QKI: variants seen among roughly 807,000 people sequenced by gnomAD.
The protein encoded by QKI is QKI, KH domain containing RNA binding.
A neutral mutation model predicts 39.0 loss-of-function variants in QKI; 10 were observed. That is an observed-to-expected ratio of 0.26 (90% CI 0.16 to 0.43). The LOEUF is 0.43. QKI is among the 20% of genes least tolerant of loss of function. The pLI, the probability that QKI is intolerant of heterozygous loss-of-function variation, is 1.00. For missense variants in QKI, 218 were observed against 428.0 expected, an observed-to-expected ratio of 0.51 and a Z score of 4.33; for synonymous variants, 204 against 155.4, an observed-to-expected ratio of 1.31 and a Z score of -2.33.
At chr6:163,428,153 T>C (rs1445382324) in intron 1 of QKI, among the ~76,000 whole-genome samples, 1 of 152,236 alleles carries the variant, frequency 6.6e-6, no homozygotes, top group East Asian at 1.9e-4. Context: ...AGTTACCTAA[T>C]TGAGTATTTT....
intron 2 of QKI, among the ~76,000 whole-genome samples, chr6:163,463,471 CGTA>C (rs1791491827): frequency 6.6e-6 from 1 of 152,118 alleles, no homozygotes; most frequent in Non-Finnish European, 1.5e-5. Context: ...TGTTGAATAA[CGTA>C]GTCCTTGCAC....
intron 2 of QKI, among the ~76,000 whole-genome samples, chr6:163,458,016 T>C (rs1372777790): frequency 2.0e-5 from 3 of 152,066 alleles, no homozygotes; most frequent in African/African-American, 7.2e-5. Context: ...AGAAAAACAT[T>C]CTAGGCAGAG....
chr6:163,565,839 C>T, intron 6 of QKI: 2 of 1,464,768 alleles, frequency 1.4e-6, no homozygotes, highest in Non-Finnish European at 1.8e-6. Context: ...TAAGCAGTGC[C>T]CTTCAAAACA....
intron 7 of QKI, chr6:163,567,693 C>T (rs1783448824): frequency 1.0e-6 from 1 of 984,584 alleles, no homozygotes; most frequent in African/African-American, 1.7e-5. Flanking sequence ...TAAGTTTTTC[C>T]ATCACAAGAT....
chr6:163,518,177 C>T (rs1217420834), intron 3 of QKI, among the ~76,000 whole-genome samples: 1 of 152,112 alleles, frequency 6.6e-6, no homozygotes, highest in Non-Finnish European at 1.5e-5. Context: ...GCTATAGAAG[C>T]TGGCTAGGGA....
At position 163,576,230 on chromosome 6, in the gene QKI, G is replaced by A. The variant is rs1398657320; in HGVS notation, c.*5520G>A. ...AGATTTACCAACATTATATGCACTCGTGCCTTCAATGTGGAATCAAACTGG... is the reference window on the plus strand; with the variant it reads ...AGATTTACCAACATTATATGCACTCATGCCTTCAATGTGGAATCAAACTGG... On this transcript the variant is annotated 3_prime_UTR_variant, in exon 8 of 8. Coordinates refer to ENST00000361752, the MANE Select transcript of QKI (RefSeq NM_006775.3). 6.6e-6 allele frequency: 1 copy of A among 151,974 alleles called. No homozygotes were observed. The highest frequency in any genetic ancestry group is 1.5e-5 in the Non-Finnish European group (1 of 68,004). The allele number at this position is 151,974 out of a possible 1,614,324, so 9.4% of individuals were successfully genotyped here.
chr6:163,482,348 T>C (rs1793135898), intron 3 of QKI, among the ~76,000 whole-genome samples: 1 of 152,160 alleles, frequency 6.6e-6, no homozygotes, highest in Admixed American at 6.5e-5. Flanking sequence ...CCCAGTACAC[T>C]TGTGACCCCA....
Position 163,456,646 on chromosome 6 carries a change from C to CT in QKI, c.285+1233dup, listed in dbSNP as rs147943573. ...ACAATTTGCAAAAATTGATCTGATA[C>CT]TTTTTTTTAAAGGTTATATACATTT... is the stretch of plus-strand genomic sequence containing the variant. On this transcript the variant is annotated intron_variant, in intron 2 of 7. Coordinates refer to ENST00000361752, the MANE Select transcript of QKI (RefSeq NM_006775.3). Among the ~76,000 whole-genome samples the CT allele has an allele frequency of 2.9e-3, 439 of 151,886 alleles. 2 individuals are homozygous for CT. The highest frequency in any genetic ancestry group is 9.8e-3 in the African/African-American group (405 of 41,442).
chr6:163,415,226 G>A lies in QKI; in HGVS notation c.33G>A (p.Pro11=), dbSNP rs1333791684. The A allele has an allele frequency of 4.4e-5, 70 of 1,594,596 alleles. No individual in the cohort carries two copies. The highest frequency in any genetic ancestry group is 1.7e-4 in the Middle Eastern group (1 of 5,982). MVGEMETKEK[P]KPTPDYLMQL... Reference sequence around the variant, plus strand: ...GGGAAATGGAAACGAAGGAGAAGCCGAAGCCCACCCCAGATTACCTGATGC... The same window carrying A: ...GGGAAATGGAAACGAAGGAGAAGCCAAAGCCCACCCCAGATTACCTGATGC... Residue 11 remains proline (P), a synonymous_variant, in exon 1 of 8, where the codon CCG becomes CCA. Transcript: ENST00000361752.
Position 163,578,322 on chromosome 6 carries a change from C to T in QKI, c.*7612C>T, listed in dbSNP as rs538282540. On this transcript the variant is annotated 3_prime_UTR_variant, in exon 8 of 8. Coordinates refer to ENST00000361752, the MANE Select transcript of QKI (RefSeq NM_006775.3). ...TCTTGCAGAACTATTTGAGTTGATA[C>T]TAAAGATTTTATGTTCACTCCTTTA... is the stretch of plus-strand genomic sequence containing the variant. 1 of 152,252 alleles carries T rather than the reference C, an allele frequency of 6.6e-6. No homozygotes were observed. The highest frequency in any genetic ancestry group is 2.1e-4 in the South Asian group (1 of 4,820). 9.4% of individuals were successfully genotyped at this position (152,252 alleles called of 1,614,324 possible).
chr6:163,498,606 C>T (rs1320564373), intron 3 of QKI, among the ~76,000 whole-genome samples: 1 of 152,038 alleles, frequency 6.6e-6, no homozygotes, highest in Admixed American at 6.6e-5. Flanking sequence ...CTCCCTCTTT[C>T]CCTCCTCTCC....
chr6:163,566,494 G>T, intron 6 of QKI: 1 of 1,358,082 alleles, frequency 7.4e-7, no homozygotes, highest in Non-Finnish European at 9.5e-7. Flanking sequence ...TAAATGAATG[G>T]ATACAATAGG....
At chr6:163,567,781 T>A in intron 7 of QKI, 1 of 985,202 alleles carries the variant, frequency 1.0e-6, no homozygotes, top group Non-Finnish European at 1.2e-6. Context: ...ACAAATTAAA[T>A]TGATCAAAGT....
intron 4 of QKI, among the ~76,000 whole-genome samples, chr6:163,542,253 C>A (rs988076140): frequency 6.6e-6 from 1 of 151,888 alleles, no homozygotes; most frequent in Non-Finnish European, 1.5e-5. Context: ...TTCCTCCTTC[C>A]GTTAATCCTC....
intron 1 of QKI, among the ~76,000 whole-genome samples, chr6:163,452,411 G>T (rs1416941432): frequency 1.3e-5 from 2 of 152,084 alleles, no homozygotes; most frequent in African/African-American, 4.8e-5. Flanking sequence ...GTGGTAGAAA[G>T]ACTTCTTATC....
chr6:163,459,323 A>G (rs374248681), intron 2 of QKI, among the ~76,000 whole-genome samples: 2 of 152,294 alleles, frequency 1.3e-5, no homozygotes, highest in African/African-American at 4.8e-5. Context: ...ACATTTGGCA[A>G]TACTAGAGAT....
intron 3 of QKI, among the ~76,000 whole-genome samples, chr6:163,493,036 C>T (rs928140898): frequency 2.6e-5 from 4 of 151,918 alleles, no homozygotes; most frequent in Non-Finnish European, 5.9e-5. Context: ...CATTTAGCGC[C>T]GTTACTTATG....
chr6:163,515,715 A>G (rs1381916142), intron 3 of QKI, among the ~76,000 whole-genome samples: 2 of 152,154 alleles, frequency 1.3e-5, no homozygotes, highest in Non-Finnish European at 2.9e-5. Context: ...AGGTCATTCT[A>G]TATGTGAAGT....
chr6:163,492,194 T>G (rs1451170161), intron 3 of QKI, among the ~76,000 whole-genome samples: 1 of 152,210 alleles, frequency 6.6e-6, no homozygotes, highest in Non-Finnish European at 1.5e-5. Context: ...TTTTTCAGTC[T>G]AATATATTAA....
Sources: gnomAD v4.1 joint callset for allele counts (sites outside exome capture counted in the v4.1 genomes callset) on GRCh38, gnomAD v4.1.1 for gene constraint, MANE v1.5 for transcripts, NCBI Gene and HGNC (gene_info 2026-07-23, HGNC 2026-07-21) for gene names.